PHAF1: variants seen among roughly 807,000 people sequenced by gnomAD.
The protein encoded by PHAF1 is phagosome assembly factor 1.
In PHAF1, 23 loss-of-function variants were observed where a neutral mutation model predicts 63.1. The observed-to-expected ratio is 0.36, with a 90% CI of 0.26 to 0.52. The LOEUF (loss-of-function observed/expected upper bound fraction) is 0.52, where lower values mean the gene tolerates loss of function less well. Among genes scored for constraint, PHAF1 ranks in the 20% least tolerant of loss-of-function variants. The probability of loss-of-function intolerance (pLI) is 0.93; values close to 1 mark genes in which losing one functional copy is unlikely to be tolerated. For missense variants in PHAF1, 427 were observed against 517.2 expected, an observed-to-expected ratio of 0.83 and a Z score of 1.69; for synonymous variants, 167 against 185.0, an observed-to-expected ratio of 0.90 and a Z score of 0.79.
chr16:67,114,620 C>T (rs1829988181), intron 1 of PHAF1, among the ~76,000 whole-genome samples: 1 of 150,874 alleles, frequency 6.6e-6, no homozygotes, highest in African/African-American at 2.4e-5. Context: ...GAACTATAAG[C>T]AATTTGGTAT....
intron 2 of PHAF1, among the ~76,000 whole-genome samples, chr16:67,123,721 G>A (rs865864094): frequency 6.6e-6 from 1 of 152,020 alleles, no homozygotes; most frequent in Admixed American, 6.6e-5. Flanking sequence ...CTTAAATTTG[G>A]GTCCTGTCCT....
chr16:67,113,729 G>A (rs1169173669), intron 1 of PHAF1, among the ~76,000 whole-genome samples: 3 of 145,452 alleles, frequency 2.1e-5, no homozygotes, highest in East Asian at 2.1e-4. Flanking sequence ...GATTACAGGC[G>A]TGAGCCACCG....
chr16:67,138,384 T>C (rs1963684461), intron 8 of PHAF1, among the ~76,000 whole-genome samples: 1 of 152,202 alleles, frequency 6.6e-6, no homozygotes, highest in South Asian at 2.1e-4. Context: ...CTCTGAAGCT[T>C]CTGCATATAA....
rs750846501 is a variant in PHAF1 at position 67,146,283 on chromosome 16, C to T, written c.1115C>T (p.Ser372Phe). 5.6e-6 allele frequency: 9 copies of T among 1,613,776 alleles called. No homozygotes were observed. In the African/African-American group the frequency reaches 1.1e-4, roughly 19 times the overall value. Reference protein sequence around the residue: ...VEKPVVLHRSSSPNNTNPFGS... With the variant: ...VEKPVVLHRSFSPNNTNPFGS... ...TCTGAATTCTTTGGCCTCAGGTCTT[C>T]CTCCCCAAACAACACCAACCCATTT... is the stretch of plus-strand genomic sequence containing the variant. The change falls in exon 15 of 16, where the codon TCC (serine) becomes TTC (phenylalanine). Residue 372 changes from serine (S) to phenylalanine (F), a missense_variant. Transcript: ENST00000219139.
At chr16:67,142,894 A>T (rs1365472331) in intron 10 of PHAF1, among the ~76,000 whole-genome samples, 1 of 152,244 alleles carries the variant, frequency 6.6e-6, no homozygotes, top group Non-Finnish European at 1.5e-5. Context: ...GCATCCTTGC[A>T]GCGGCCACTC....
intron 1 of PHAF1, among the ~76,000 whole-genome samples, chr16:67,117,199 ATTT>A (rs750308105): frequency 0.031 from 3,514 of 111,918 alleles, 109 homozygotes; most frequent in African/African-American, 0.13. Flanking sequence ...TGCCCAGCTA[ATTT>A]TTTTTTTTTT....
In PHAF1 at chr16:67,132,267, A is replaced by G. The variant is rs547513699; in HGVS notation, c.276-179A>G. Reference sequence around the variant, plus strand: ...CTGTATATCAGCCTCATGAGAACTGACCTTCTCCTGACCTCATTAATGCTC... The same window carrying G: ...CTGTATATCAGCCTCATGAGAACTGGCCTTCTCCTGACCTCATTAATGCTC... On this transcript the variant is annotated intron_variant, in intron 4 of 15. Transcript: ENST00000219139. The G allele has an allele frequency of 6.1e-5, 36 of 592,034 alleles. No homozygotes were observed. The East Asian group carries it at 1.0e-3, about 17-fold the overall frequency. The allele number at this position is 592,034 out of a possible 1,614,324, so 36.7% of individuals were successfully genotyped here.
chr16:67,137,208 A>G (rs1036191619), intron 8 of PHAF1, among the ~76,000 whole-genome samples: 2 of 152,148 alleles, frequency 1.3e-5, no homozygotes, highest in East Asian at 3.9e-4. Flanking sequence ...TTCTGTGAAC[A>G]GTTAGACAGT....
intron 10 of PHAF1, among the ~76,000 whole-genome samples, chr16:67,142,168 T>C (rs1438143258): frequency 6.6e-6 from 1 of 152,214 alleles, no homozygotes; most frequent in Non-Finnish European, 1.5e-5. Context: ...GTAGCTTCTT[T>C]CTGTAGGCAG....
chr16:67,145,659 CCACCT>C (rs1476727170), intron 14 of PHAF1, 31 bp downstream of exon 14: 1 of 1,596,870 alleles, frequency 6.3e-7, no homozygotes, highest in Admixed American at 1.8e-5. Context: ...CCCGGCCACC[CCACCT>C]GACTCCTCAG....
intron 11 of PHAF1, 109 bp from the exon 12 acceptor site, chr16:67,144,725 C>T: frequency 1.6e-6 from 2 of 1,275,062 alleles, no homozygotes; most frequent in South Asian, 1.2e-5. Flanking sequence ...AGAGCCAGGG[C>T]TTTGGGCAGG....
chr16:67,134,635 G>A (rs1174874107), intron 8 of PHAF1, 168 bp downstream of exon 8: 2 of 717,620 alleles, frequency 2.8e-6, no homozygotes, highest in South Asian at 2.9e-5. Context: ...CAGTTCTGGA[G>A]GCTGGGAAGT....
intron 8 of PHAF1, chr16:67,134,838 C>G: frequency 5.0e-6 from 2 of 402,724 alleles, no homozygotes; most frequent in Admixed American, 6.4e-5. Context: ...CCCTGACCTT[C>G]TAATACCATC....
At chr16:67,142,740 G>A (rs981411547) in intron 10 of PHAF1, among the ~76,000 whole-genome samples, 1 of 152,212 alleles carries the variant, frequency 6.6e-6, no homozygotes, top group African/African-American at 2.4e-5. Flanking sequence ...GCAGCTGGGA[G>A]GCTGCAGCTA....
At chr16:67,112,953 G>C (rs776154658) in intron 1 of PHAF1, among the ~76,000 whole-genome samples, 4 of 152,120 alleles carry the variant, frequency 2.6e-5, no homozygotes, top group Non-Finnish European at 5.9e-5. Flanking sequence ...AACTACATTT[G>C]GGGCTGTTAG....
intron 3 of PHAF1, among the ~76,000 whole-genome samples, chr16:67,128,075 C>T (rs144918893): frequency 0.01 from 1,361 of 132,980 alleles, 6 homozygotes; most frequent in Non-Finnish European, 0.013. Context: ...GTTTCACATG[C>T]GTTTTCTAGT....
chr16:67,114,535 C>T (rs1489648795), intron 1 of PHAF1, among the ~76,000 whole-genome samples: 10 of 145,620 alleles, frequency 6.9e-5, no homozygotes, highest in Admixed American at 6.2e-4. Context: ...ACAACAGGAG[C>T]TGGAAATCTT....
chr16:67,118,224 C>T (rs763020695), intron 1 of PHAF1, among the ~76,000 whole-genome samples: 23 of 148,782 alleles, frequency 1.5e-4, no homozygotes, highest in Non-Finnish European at 2.8e-4. Flanking sequence ...CTGCCCTCCT[C>T]GGCCTCCCAA....
rs201686073 is a variant in PHAF1 at position 67,134,253 on chromosome 16, T to G, written c.536T>G (p.Leu179Arg). The G allele has an allele frequency of 6.2e-7, 1 of 1,613,526 alleles. No individual in the cohort carries two copies. The highest frequency in any genetic ancestry group is 8.5e-7 in the Non-Finnish European group (1 of 1,179,404). ...KRMYIYSGNS[L>R]QDTKAPMMPL... ...ATGTACATCTACAGTGGCAACAGCC[T>G]GCAGGATACCAAGTAAGTATAAGGA... The change falls in exon 7 of 16, where the codon CTG becomes CGG. Residue 179 changes from leucine (L) to arginine (R), a missense_variant. By Grantham distance (102) the Leu-to-Arg change is moderately radical (BLOSUM62 -2). Coordinates refer to ENST00000219139, the MANE Select transcript of PHAF1 (RefSeq NM_025187.5).
Sources: gnomAD v4.1 joint callset for allele counts (sites outside exome capture counted in the v4.1 genomes callset) on GRCh38, gnomAD v4.1.1 for gene constraint, MANE v1.5 for transcripts, NCBI Gene and HGNC (gene_info 2026-07-23, HGNC 2026-07-21) for gene names.